Variants in KRAS observed in about 807,000 individuals in gnomAD.
KRAS encodes the protein GTPase KRas.
Under a neutral mutation model 21.0 loss-of-function variants are expected in KRAS, and 1 was observed. That is an observed-to-expected ratio of 0.05 (90% CI 0.02 to 0.23). KRAS has a LOEUF of 0.23. KRAS is among the 10% of genes least tolerant of loss of function. The pLI, the probability that KRAS is intolerant of heterozygous loss-of-function variation, is 1.00. For synonymous variants in KRAS, 67 were observed against 72.5 expected, an observed-to-expected ratio of 0.92 and a Z score of 0.39; for missense variants, 107 against 221.8, an observed-to-expected ratio of 0.48 and a Z score of 3.29.
chr12:25,239,048 T>G (rs762518881), intron 2 of KRAS, among the ~76,000 whole-genome samples: 1 of 152,248 alleles, frequency 6.6e-6, no homozygotes, highest in Admixed American at 6.5e-5. Flanking sequence ...ATACCCTTCC[T>G]AGCAGTTATC....
intron 2 of KRAS, among the ~76,000 whole-genome samples, chr12:25,233,133 C>T (rs1951496636): frequency 6.6e-6 from 1 of 152,128 alleles, no homozygotes; most frequent in Non-Finnish European, 1.5e-5. Flanking sequence ...CCACCACCAC[C>T]ATCCCCCTAG....
intron 2 of KRAS, among the ~76,000 whole-genome samples, chr12:25,230,125 G>GA (rs1951446623): frequency 6.6e-6 from 1 of 152,124 alleles, no homozygotes; most frequent in Non-Finnish European, 1.5e-5. Flanking sequence ...ATCAGAGGGA[G>GA]AAAGAGAGAA....
At chr12:25,242,662 C>A (rs1192580537) in intron 2 of KRAS, among the ~76,000 whole-genome samples, 1 of 152,298 alleles carries the variant, frequency 6.6e-6, no homozygotes, top group East Asian at 1.9e-4. Context: ...ACCTCTGCCA[C>A]TAAGTTGCCA....
At chr12:25,215,483 CTT>C in intron 4 of KRAS, 2 of 1,611,648 alleles carry the variant, frequency 1.2e-6, no homozygotes, top group Non-Finnish European at 1.7e-6. Flanking sequence ...AGCCAGGAGT[CTT>C]TTCTTCTTTG....
In KRAS at chr12:25,250,890, CGCCGCCGCTGCTGCCTCCGCCGCCGCG is replaced by C. The variant is rs1951762987; in HGVS notation, c.-178_-152del. Reference sequence around the variant, plus strand: ...CCGCCACCTTCGCCGCCGCCACTGCCGCCGCCGCTGCTGCCTCCGCCGCCGCGGCCGCCGCCTAGGAAAATCGAGCTC... The same window carrying C: ...CCGCCACCTTCGCCGCCGCCACTGCCGCCGCCGCCTAGGAAAATCGAGCTC... On this transcript the variant is annotated 5_prime_UTR_variant, in exon 1 of 5. Coordinates refer to ENST00000311936, the MANE Select transcript of KRAS (RefSeq NM_004985.5). The C allele has an allele frequency of 4.0e-6, 1 of 250,616 alleles. No individual in the cohort carries two copies. Among genetic ancestry groups the C allele is most frequent in the Admixed American group, 5.7e-5 (1 of 17,396 alleles). 15.5% of individuals were successfully genotyped at this position (250,616 alleles called of 1,614,324 possible). A position where few individuals can be genotyped will look rare whatever the true frequency, so the allele number is the denominator to read the frequency against.
At chr12:25,231,330 G>A (rs1951467150) in intron 2 of KRAS, among the ~76,000 whole-genome samples, 2 of 151,724 alleles carry the variant, frequency 1.3e-5, no homozygotes, top group African/African-American at 4.8e-5. Context: ...CAGGTGATCC[G>A]CCTCGGCCTC....
intron 1 of KRAS, 93 bp from the exon 2 acceptor site, chr12:25,245,488 A>G (rs950057595): frequency 8.1e-7 from 1 of 1,241,542 alleles, no homozygotes; most frequent in Admixed American, 2.1e-5. Context: ...ACCTTTTAAT[A>G]CAAACTCACC....
chr12:25,245,615 T>C (rs1951668333), intron 1 of KRAS, among the ~76,000 whole-genome samples: 1 of 152,242 alleles, frequency 6.6e-6, no homozygotes, highest in South Asian at 2.1e-4. Flanking sequence ...CCATCGACGC[T>C]TAAGAAAAAT....
chr12:25,226,413 T>C (rs1406213329), intron 3 of KRAS, among the ~76,000 whole-genome samples: 2 of 152,148 alleles, frequency 1.3e-5, no homozygotes, highest in Non-Finnish European at 2.9e-5. Flanking sequence ...AGAGTCAGAA[T>C]TGGCTCAAAT....
chr12:25,234,707 T>G (rs1346603563), intron 2 of KRAS: 1 of 188,738 alleles, frequency 5.3e-6, no homozygotes, highest in African/African-American at 2.3e-5. Context: ...AGCTAACTCA[T>G]TCAAGATAAG....
chr12:25,249,159 G>T (rs1951728774), intron 1 of KRAS, among the ~76,000 whole-genome samples: 1 of 152,132 alleles, frequency 6.6e-6, no homozygotes, highest in African/African-American at 2.4e-5. Context: ...CACTGTGGGA[G>T]GCCGAGGCGG....
Position 25,205,969 on chromosome 12 carries a change from G to C in KRAS, c.*3826C>G, listed in dbSNP as rs1202067876. 1 of 213,532 alleles carries C rather than the reference G, an allele frequency of 4.7e-6. No homozygotes were observed. The highest frequency in any genetic ancestry group is 9.4e-6 in the Non-Finnish European group (1 of 105,832). 13.2% of individuals were successfully genotyped at this position (213,532 alleles called of 1,614,324 possible). On this transcript the variant is annotated 3_prime_UTR_variant, in exon 5 of 5. Coordinates refer to ENST00000311936, the MANE Select transcript of KRAS (RefSeq NM_004985.5). Reference sequence around the variant, plus strand: ...ATATAAATTCAGCTTTAAGGTAACTGCTGGGTTCTAAAAAACATTACTACA... The same window carrying C: ...ATATAAATTCAGCTTTAAGGTAACTCCTGGGTTCTAAAAAACATTACTACA...
chr12:25,217,380 T>C (rs1951267538), intron 4 of KRAS, among the ~76,000 whole-genome samples: 1 of 152,208 alleles, frequency 6.6e-6, no homozygotes, highest in South Asian at 2.1e-4. Flanking sequence ...TAATTTAAAT[T>C]CATAATGTTA....
chr12:25,212,410 C>T (rs1951208618), intron 4 of KRAS, among the ~76,000 whole-genome samples: 1 of 152,176 alleles, frequency 6.6e-6, no homozygotes, highest in Admixed American at 6.6e-5. Flanking sequence ...GAACTCTCCT[C>T]TCTACATCAT....
chr12:25,244,872 A>C (rs1951657931), intron 2 of KRAS, among the ~76,000 whole-genome samples: 1 of 152,204 alleles, frequency 6.6e-6, no homozygotes, highest in Non-Finnish European at 1.5e-5. Flanking sequence ...AGTTTAAAAA[A>C]ATCAACCATC....
At chr12:25,218,843 G>T (rs763954136) in intron 4 of KRAS, among the ~76,000 whole-genome samples, 8 of 152,052 alleles carry the variant, frequency 5.3e-5, no homozygotes, top group Non-Finnish European at 1.0e-4. Context: ...TACTCATTAA[G>T]CTCTTAACTA....
intron 2 of KRAS, among the ~76,000 whole-genome samples, chr12:25,232,318 A>T (rs965430360): frequency 4.6e-5 from 7 of 152,258 alleles, no homozygotes; most frequent in Non-Finnish European, 1.0e-4. Context: ...AACAAAAACA[A>T]AAACCCAAGA....
At chr12:25,235,837 G>A (rs1023943728) in intron 2 of KRAS, among the ~76,000 whole-genome samples, 4 of 152,162 alleles carry the variant, frequency 2.6e-5, no homozygotes, top group African/African-American at 4.8e-5. Context: ...TCCAAGGACC[G>A]AGTTGGGGGT....
intron 4 of KRAS, chr12:25,215,642 G>T: frequency 8.6e-7 from 1 of 1,165,688 alleles, no homozygotes; most frequent in Non-Finnish European, 1.3e-6. Flanking sequence ...CAAGAAGTTT[G>T]AGATTATGAG....
Sources: allele counts gnomAD v4.1 joint callset (sites outside exome capture counted in the v4.1 genomes callset), GRCh38; gene constraint gnomAD v4.1.1; transcripts MANE v1.5; gene names NCBI Gene and HGNC (gene_info 2026-07-23, HGNC 2026-07-21).